RAB8B: variants seen among roughly 807,000 people sequenced by gnomAD.
RAB8B encodes RAB8B, member RAS oncogene family, also known as ras-related protein Rab-8B.
RAB8B carries 11 observed loss-of-function variants against 32.0 expected under a neutral mutation model. That is an observed-to-expected ratio of 0.34 (90% CI 0.22 to 0.57). RAB8B has a LOEUF of 0.57. RAB8B is among the 20% of genes least tolerant of loss of function. RAB8B has a pLI of 0.86. For missense variants in RAB8B, 190 were observed against 258.5 expected, an observed-to-expected ratio of 0.73 and a Z score of 1.82; for synonymous variants, 103 against 89.6, an observed-to-expected ratio of 1.15 and a Z score of -0.85.
chr15:63,220,342 C>T (rs2037833858), intron 1 of RAB8B, among the ~76,000 whole-genome samples: 1 of 152,072 alleles, frequency 6.6e-6, no homozygotes, highest in Admixed American at 6.6e-5. Context: ...GTCATTTGTA[C>T]TTAATAATTT....
intron 3 of RAB8B, among the ~76,000 whole-genome samples, chr15:63,249,951 A>G (rs1296340420): frequency 1.3e-5 from 2 of 151,674 alleles, no homozygotes; most frequent in African/African-American, 4.9e-5. Context: ...CCTGGCTAAC[A>G]AGGTGAAACC....
intron 2 of RAB8B, among the ~76,000 whole-genome samples, chr15:63,246,343 T>C (rs1308242849): frequency 6.6e-6 from 1 of 152,226 alleles, no homozygotes; most frequent in East Asian, 1.9e-4. Flanking sequence ...TCAACTGTAG[T>C]AGGTTGTCAC....
intron 1 of RAB8B, chr15:63,223,057 TG>T (rs1481364935): frequency 4.4e-6 from 2 of 455,954 alleles, no homozygotes; most frequent in Non-Finnish European, 8.8e-6. Context: ...CTTCCAGTCC[TG>T]TAAGCGCCTT....
intron 1 of RAB8B, among the ~76,000 whole-genome samples, chr15:63,194,136 A>G (rs2037581859): frequency 6.6e-6 from 1 of 152,144 alleles, no homozygotes; most frequent in African/African-American, 2.4e-5. Flanking sequence ...TAGTATAGTC[A>G]TAGTTTAACA....
intron 3 of RAB8B, among the ~76,000 whole-genome samples, chr15:63,253,539 G>A (rs1183372739): frequency 6.6e-6 from 1 of 152,090 alleles, no homozygotes; most frequent in Non-Finnish European, 1.5e-5. Flanking sequence ...CAGGGAAGCT[G>A]GATGTGGTGG....
intron 4 of RAB8B, among the ~76,000 whole-genome samples, chr15:63,256,007 T>G (rs2038156277): frequency 1.3e-5 from 2 of 152,236 alleles, no homozygotes; most frequent in South Asian, 4.1e-4. Context: ...TTCTGACATT[T>G]TCTCCATCTT....
chr15:63,200,283 C>T (rs1595733092), intron 1 of RAB8B, among the ~76,000 whole-genome samples: 1 of 152,170 alleles, frequency 6.6e-6, no homozygotes, highest in South Asian at 2.1e-4. Flanking sequence ...TTAGTTAATT[C>T]AAACAAGCCT....
In RAB8B at chr15:63,256,499, C is replaced by T. The variant is rs200709780; in HGVS notation, c.325-6C>T. ...GTTTTTATAGCATGCTATTTTCTCC[C>T]TGCAGCATGCCTCTTCCGATGTCGA... On this transcript the variant is annotated splice_polypyrimidine_tract_variant and splice_region_variant and intron_variant, in intron 4 of 7. Transcript: ENST00000321437. The T allele has an allele frequency of 7.5e-6, 12 of 1,590,424 alleles. No individual in the cohort carries two copies. In the East Asian group the frequency reaches 2.5e-4, roughly 34 times the overall value.
intron 1 of RAB8B, among the ~76,000 whole-genome samples, chr15:63,244,201 G>A (rs1008580536): frequency 1.3e-5 from 2 of 152,182 alleles, no homozygotes; most frequent in Non-Finnish European, 2.9e-5. Context: ...TTCAGCTCTA[G>A]CAAGTAATCT....
At chr15:63,234,827 A>T (rs1331530132) in intron 1 of RAB8B, among the ~76,000 whole-genome samples, 1 of 152,170 alleles carries the variant, frequency 6.6e-6, no homozygotes, top group African/African-American at 2.4e-5. Context: ...GCCTTCTCCC[A>T]TTGAATGGAA....
chr15:63,238,512 A>G (rs1011574593), intron 1 of RAB8B, among the ~76,000 whole-genome samples: 5 of 152,212 alleles, frequency 3.3e-5, no homozygotes, highest in Non-Finnish European at 7.3e-5. Context: ...GAGAAGTACT[A>G]CAGTTTCTCA....
intron 3 of RAB8B, among the ~76,000 whole-genome samples, chr15:63,254,240 G>A (rs1035429979): frequency 2.0e-5 from 3 of 152,120 alleles, no homozygotes; most frequent in African/African-American, 7.2e-5. Flanking sequence ...CCAGGCTTTG[G>A]CTTTAATGTC....
At chr15:63,230,081 A>G (rs1452112080) in intron 1 of RAB8B, among the ~76,000 whole-genome samples, 1 of 151,840 alleles carries the variant, frequency 6.6e-6, no homozygotes, top group African/African-American at 2.4e-5. Flanking sequence ...TCATCCTCTT[A>G]CCTGCATTAC....
intron 1 of RAB8B, among the ~76,000 whole-genome samples, chr15:63,219,468 T>A (rs2037825474): frequency 6.7e-6 from 1 of 149,176 alleles, no homozygotes; most frequent in Non-Finnish European, 1.5e-5. Flanking sequence ...TTTTTTTAAA[T>A]GGAGGGAAAG....
chr15:63,193,231 A>G (rs2141104254), intron 1 of RAB8B, among the ~76,000 whole-genome samples: 1 of 152,268 alleles, frequency 6.6e-6, no homozygotes, highest in South Asian at 2.1e-4. Flanking sequence ...TTCTGTCTCT[A>G]AAAAATAGAT....
intron 1 of RAB8B, among the ~76,000 whole-genome samples, chr15:63,244,007 A>G (rs2038052183): frequency 6.6e-6 from 1 of 152,192 alleles, no homozygotes; most frequent in Non-Finnish European, 1.5e-5. Context: ...CTCCTGTGAT[A>G]AGGACAATCC....
Position 63,198,200 on chromosome 15 carries a change from AAACAGTTTGGG to A in RAB8B, c.124+8460_124+8470del, listed in dbSNP as rs1349599693. Reference sequence around the variant, plus strand: ...TTTGGGAGGCCGCATAAAGTGGTGGAAACAGTTTGGGAACAGTTCTCTACAGCAGCTCAATT... The same window carrying A: ...TTTGGGAGGCCGCATAAAGTGGTGGAAACAGTTCTCTACAGCAGCTCAATT... On this transcript the variant is annotated intron_variant, in intron 1 of 7. Coordinates refer to ENST00000321437, the MANE Select transcript of RAB8B (RefSeq NM_016530.3). Among the ~76,000 whole-genome samples the A allele has an allele frequency of 5.3e-5, 8 of 152,290 alleles. No individual in the cohort carries two copies. In the East Asian group the frequency reaches 1.5e-3, roughly 29 times the overall value.
intron 1 of RAB8B, among the ~76,000 whole-genome samples, chr15:63,207,621 G>A (rs1289347033): frequency 2.6e-5 from 4 of 151,642 alleles, no homozygotes; most frequent in African/African-American, 7.3e-5. Flanking sequence ...GTGCAGTGGC[G>A]TGATCTCGGC....
At chr15:63,191,718 T>C (rs568758589) in intron 1 of RAB8B, among the ~76,000 whole-genome samples, 12 of 152,362 alleles carry the variant, frequency 7.9e-5, no homozygotes, top group Non-Finnish European at 1.5e-4. Flanking sequence ...CTCCCAGAAG[T>C]ATCTCCTGCC....
Sources: allele counts gnomAD v4.1 joint callset (sites outside exome capture counted in the v4.1 genomes callset), GRCh38; gene constraint gnomAD v4.1.1; transcripts MANE v1.5; gene names NCBI Gene and HGNC (gene_info 2026-07-23, HGNC 2026-07-21).